Variants in CSMD1 observed in about 807,000 individuals in gnomAD.
CSMD1 encodes CUB and Sushi multiple domains 1, also known as CUB and sushi domain-containing protein 1.
In CSMD1, 213 loss-of-function variants were observed where a neutral mutation model predicts 417.5. The ratio of observed to expected loss-of-function variants is 0.51; its 90% CI spans 0.46 to 0.57. The LOEUF is 0.57. CSMD1 is among the 20% of genes least tolerant of loss of function. The probability of loss-of-function intolerance (pLI) is 0.00; values close to 1 mark genes in which losing one functional copy is unlikely to be tolerated. For synonymous variants in CSMD1, 2,862 were observed against 1,736.8 expected (o/e 1.65, Z -16.11); for missense variants, 6,923 against 4,529.7 (o/e 1.53, Z -15.17).
At chr8:4,230,484 A>T (rs182499698) in intron 3 of CSMD1, among the ~76,000 whole-genome samples, 2 of 152,186 alleles carry the variant, frequency 1.3e-5, no homozygotes, top group Non-Finnish European at 1.5e-5. Flanking sequence ...AACTCTGCTC[A>T]AAGTAGATAT....
intron 26 of CSMD1, among the ~76,000 whole-genome samples, chr8:3,276,987 G>A (rs1802339904): frequency 6.6e-6 from 1 of 152,098 alleles, no homozygotes; most frequent in Admixed American, 6.6e-5. Context: ...GGGACTGGAA[G>A]TGACAATGTG....
At chr8:3,328,036 C>T (rs1806646721) in intron 23 of CSMD1, among the ~76,000 whole-genome samples, 1 of 152,190 alleles carries the variant, frequency 6.6e-6, no homozygotes, top group African/African-American at 2.4e-5. Flanking sequence ...CCAGAAACTA[C>T]CCTGTCCGTC....
chr8:3,457,841 T>C lies in CSMD1; in HGVS notation c.1561+10871A>G, dbSNP rs369878263. On this transcript the variant is annotated intron_variant, in intron 12 of 69. Transcript: ENST00000635120. ...GTTGTATCCGATGCAGGGATCCCAG[T>C]GGTAAAGATGTGGGAGAATGTTATC... 1.3e-4 allele frequency among the ~76,000 whole-genome samples: 20 copies of C among 152,178 alleles called. No individual in the cohort carries two copies. In the East Asian group the frequency reaches 3.7e-3, roughly 28 times the overall value.
chr8:3,782,674 A>C (rs1387082234), intron 5 of CSMD1, among the ~76,000 whole-genome samples: 1 of 152,208 alleles, frequency 6.6e-6, no homozygotes, highest in Non-Finnish European at 1.5e-5. Flanking sequence ...TCTCAGAGTC[A>C]ACAATGTTTG....
chr8:4,822,555 T>G (rs1041208563), intron 1 of CSMD1, among the ~76,000 whole-genome samples: 3 of 152,114 alleles, frequency 2.0e-5, no homozygotes, highest in Non-Finnish European at 1.5e-5. Context: ...TTAAACTATG[T>G]GCAGGAAAAA....
chr8:3,113,718 G>A (rs1751409119), intron 42 of CSMD1, among the ~76,000 whole-genome samples: 1 of 152,156 alleles, frequency 6.6e-6, no homozygotes, highest in South Asian at 2.1e-4. Context: ...CAAAAGTTAT[G>A]GGTATATGTG....
rs374273936 is a variant in CSMD1, at chr8:3,275,517, A to C, written c.4153+8627T>G. On this transcript the variant is annotated intron_variant, in intron 26 of 69. Coordinates refer to ENST00000635120, the MANE Select transcript of CSMD1 (RefSeq NM_033225.6). Reference sequence around the variant, plus strand: ...GAAGTTCTCCTGGATAATATCCTGCAGAGTGTTTTCCTACTTGGTTCCATT... The same window carrying C: ...GAAGTTCTCCTGGATAATATCCTGCCGAGTGTTTTCCTACTTGGTTCCATT... Among the ~76,000 whole-genome samples, 25 of 152,308 alleles carry C rather than the reference A, an allele frequency of 1.6e-4. No individual in the cohort carries two copies. The East Asian group carries it at 4.4e-3, about 27-fold the overall frequency.
At chr8:3,631,686 G>C (rs774826413) in intron 7 of CSMD1, among the ~76,000 whole-genome samples, 1 of 152,192 alleles carries the variant, frequency 6.6e-6, no homozygotes, top group Non-Finnish European at 1.5e-5. Flanking sequence ...GATTGAAGTC[G>C]TCAGACGGAG....
intron 3 of CSMD1, among the ~76,000 whole-genome samples, chr8:4,035,685 G>C (rs1404924266): frequency 6.6e-6 from 1 of 152,158 alleles, no homozygotes; most frequent in Non-Finnish European, 1.5e-5. Flanking sequence ...TTGCACAACT[G>C]TGCAAGGTTT....
chr8:4,478,416 T>C (rs557129003), intron 2 of CSMD1, among the ~76,000 whole-genome samples: 29 of 152,314 alleles, frequency 1.9e-4, no homozygotes, highest in African/African-American at 6.3e-4. Flanking sequence ...TGTAAAGTTA[T>C]ATATCTTGTC....
At chr8:4,423,340 C>G (rs1797358701) in intron 2 of CSMD1, among the ~76,000 whole-genome samples, 2 of 152,066 alleles carry the variant, frequency 1.3e-5, no homozygotes, top group South Asian at 4.1e-4. Context: ...ATTTGTAGAG[C>G]TAATACTTGA....
At chr8:3,115,204 C>CTG (rs1158654935) in intron 42 of CSMD1, among the ~76,000 whole-genome samples, 1 of 139,848 alleles carries the variant, frequency 7.2e-6, no homozygotes, top group South Asian at 2.5e-4. Context: ...TCCCCCCCCC[C>CTG]CCTTTTTTTT....
chr8:3,540,732 C>T (rs111633236), intron 10 of CSMD1, among the ~76,000 whole-genome samples: 1 of 152,084 alleles, frequency 6.6e-6, no homozygotes, highest in Non-Finnish European at 1.5e-5. Context: ...AAGACATGAA[C>T]AGACACTTCT....
chr8:4,060,368 C>T (rs1484999733), intron 3 of CSMD1, among the ~76,000 whole-genome samples: 10 of 152,180 alleles, frequency 6.6e-5, no homozygotes, highest in Admixed American at 4.6e-4. Context: ...GAAGCATTCC[C>T]TTTGCAAACT....
chr8:3,907,964 G>T (rs1402723318), intron 5 of CSMD1, among the ~76,000 whole-genome samples: 1 of 152,072 alleles, frequency 6.6e-6, no homozygotes, highest in East Asian at 1.9e-4. Flanking sequence ...GGGGAGAGTG[G>T]TAATTTGCTG....
At chr8:3,608,239 C>T (rs1370169891) in intron 8 of CSMD1, among the ~76,000 whole-genome samples, 3 of 151,188 alleles carry the variant, frequency 2.0e-5, no homozygotes, top group Non-Finnish European at 4.4e-5. Flanking sequence ...GTGCCACCTG[C>T]AGAGGAGGTA....
chr8:3,393,471 G>C (rs143891570), intron 17 of CSMD1, among the ~76,000 whole-genome samples: 1 of 152,236 alleles, frequency 6.6e-6, no homozygotes, highest in East Asian at 1.9e-4. Flanking sequence ...TAGGGATGGA[G>C]AGAAAGAAAA....
At chr8:4,217,345 C>A (rs1272961091) in intron 3 of CSMD1, among the ~76,000 whole-genome samples, 1 of 152,198 alleles carries the variant, frequency 6.6e-6, no homozygotes, top group African/African-American at 2.4e-5. Context: ...TGGACTCTAA[C>A]AATCAACTAT....
intron 2 of CSMD1, among the ~76,000 whole-genome samples, chr8:4,625,934 G>C (rs1023651520): frequency 6.6e-6 from 1 of 152,220 alleles, no homozygotes. Flanking sequence ...ATGTTGGCCA[G>C]GCTGGTCTCG....
Sources: gnomAD v4.1 joint callset for allele counts (sites outside exome capture counted in the v4.1 genomes callset) on GRCh38, gnomAD v4.1.1 for gene constraint, MANE v1.5 for transcripts, NCBI Gene and HGNC (gene_info 2026-07-23, HGNC 2026-07-21) for gene names.